The following ABHD18 variants were observed in gnomAD, a reference collection of about 807,000 sequenced individuals.
The protein encoded by ABHD18 is cardiolipin-specific deacylase, mitochondrial.
In ABHD18, 55 loss-of-function variants were observed where a neutral mutation model predicts 65.9. That is an observed-to-expected ratio of 0.84 (90% CI 0.67 to 1.05). The LOEUF is 1.05. ABHD18 is among the 50% of genes least tolerant of loss of function. The probability of loss-of-function intolerance (pLI) is 0.00; values close to 1 mark genes in which losing one functional copy is unlikely to be tolerated. For missense variants in ABHD18, 533 were observed against 558.5 expected, an observed-to-expected ratio of 0.95 and a Z score of 0.46; for synonymous variants, 181 against 180.2, an observed-to-expected ratio of 1.00 and a Z score of -0.04.
rs1167728243 is a variant in ABHD18, at chr4:128,008,261, CTTTTTTTTTTT to C, written c.279-641_279-631del. On this transcript the variant is annotated intron_variant, in intron 4 of 12. Coordinates refer to ENST00000645843, the MANE Select transcript of ABHD18 (RefSeq NM_001358451.3). ...TGGGCAACAGAGTGAGACTCCGTTCCTTTTTTTTTTTTTTTTTTTTTTTTTTTTGAGACGGA... is the reference window on the plus strand; with the variant it reads ...TGGGCAACAGAGTGAGACTCCGTTCCTTTTTTTTTTTTTTTTTGAGACGGA... Among the ~76,000 whole-genome samples the C allele has an allele frequency of 2.2e-4, 22 of 97,784 alleles. 1 individual carries two copies. The highest frequency in any genetic ancestry group is 5.7e-3 in the Middle Eastern group (1 of 176). 64.2% of individuals were successfully genotyped at this position (97,784 alleles called of 152,430 possible).
intron 1 of ABHD18, among the ~76,000 whole-genome samples, chr4:127,973,618 T>A (rs1256085566): frequency 6.6e-6 from 1 of 152,038 alleles, no homozygotes; most frequent in Admixed American, 6.6e-5. Flanking sequence ...ACCAGGCATA[T>A]GGCAAAGGTG....
intron 4 of ABHD18, among the ~76,000 whole-genome samples, chr4:127,994,023 C>T (rs920648392): frequency 1.6e-4 from 24 of 152,244 alleles, no homozygotes; most frequent in African/African-American, 5.5e-4. Flanking sequence ...TCATTTGGTC[C>T]ATTACTCATG....
chr4:128,009,261 A>G (rs1207849248), intron 6 of ABHD18, 70 bp downstream of exon 6: 2 of 1,020,562 alleles, frequency 2.0e-6, no homozygotes, highest in Non-Finnish European at 2.6e-6. Flanking sequence ...CATCAAAAGG[A>G]ATGATAGTAA....
At chr4:127,973,439 T>G (rs929973272) in intron 1 of ABHD18, among the ~76,000 whole-genome samples, 1 of 152,148 alleles carries the variant, frequency 6.6e-6, no homozygotes, top group Non-Finnish European at 1.5e-5. Context: ...CACCTGTTAT[T>G]GAGGGTGTCA....
At chr4:128,029,415 T>C (rs1178150252) in intron 11 of ABHD18, among the ~76,000 whole-genome samples, 1 of 152,040 alleles carries the variant, frequency 6.6e-6, no homozygotes, top group Non-Finnish European at 1.5e-5. Context: ...ACACAGTGGC[T>C]CACGCCTATA....
intron 2 of ABHD18, among the ~76,000 whole-genome samples, chr4:127,984,038 A>AC (rs1749531450): frequency 1.4e-5 from 2 of 142,770 alleles, no homozygotes; most frequent in Admixed American, 7.4e-5. Flanking sequence ...CTCCGTCTCA[A>AC]GGGGGAAAAA....
At chr4:127,989,529 G>A (rs115706850) in intron 3 of ABHD18, among the ~76,000 whole-genome samples, 192 bp from the exon 4 acceptor site, 4,449 of 152,086 alleles carry the variant, frequency 0.029, 203 homozygotes, top group African/African-American at 0.1. Flanking sequence ...AACATCACAT[G>A]TACCCCATAA....
chr4:128,004,398 G>A (rs1560879524), intron 4 of ABHD18, among the ~76,000 whole-genome samples: 2 of 151,728 alleles, frequency 1.3e-5, no homozygotes, highest in Non-Finnish European at 2.9e-5. Context: ...GTTGCAGTGA[G>A]CCAAGATCGC....
intron 4 of ABHD18, among the ~76,000 whole-genome samples, chr4:128,006,264 A>T (rs1367098500): frequency 6.6e-6 from 1 of 152,220 alleles, no homozygotes; most frequent in African/African-American, 2.4e-5. Context: ...GAACAAAAGG[A>T]AAGTACAAAT....
chr4:128,031,930 G>C (rs528217087), intron 12 of ABHD18, among the ~76,000 whole-genome samples: 1 of 152,166 alleles, frequency 6.6e-6, no homozygotes, highest in African/African-American at 2.4e-5. Flanking sequence ...ACAAAAATCC[G>C]TGACTACCTA....
intron 4 of ABHD18, among the ~76,000 whole-genome samples, chr4:128,003,692 G>A (rs1321711028): frequency 6.6e-6 from 1 of 151,870 alleles, no homozygotes; most frequent in Non-Finnish European, 1.5e-5. Flanking sequence ...GAATGTGTAT[G>A]TATATTTTAA....
intron 1 of ABHD18, among the ~76,000 whole-genome samples, chr4:127,968,212 AAAAT>A (rs1391576480): frequency 4.6e-5 from 7 of 152,250 alleles, no homozygotes; most frequent in Non-Finnish European, 1.0e-4. Context: ...TCCGTCTCAA[AAAAT>A]AAACAAACAA....
intron 2 of ABHD18, among the ~76,000 whole-genome samples, chr4:127,983,582 T>C (rs1749423464): frequency 6.6e-6 from 1 of 151,930 alleles, no homozygotes; most frequent in African/African-American, 2.4e-5. Flanking sequence ...CATAAAAAAA[T>C]TGGCTGGGCG....
At chr4:127,968,788 G>A (rs1248803721) in intron 1 of ABHD18, among the ~76,000 whole-genome samples, 4 of 152,104 alleles carry the variant, frequency 2.6e-5, no homozygotes, top group Non-Finnish European at 5.9e-5. Flanking sequence ...GCCTGAAGTG[G>A]GGACTTTTAA....
At chr4:127,996,417 G>A (rs1751742992) in intron 4 of ABHD18, among the ~76,000 whole-genome samples, 1 of 151,184 alleles carries the variant, frequency 6.6e-6, no homozygotes, top group South Asian at 2.1e-4. Context: ...CGCAAAATCA[G>A]CAAGTTTTTA....
At chr4:127,968,053 C>G (rs1253446361) in intron 1 of ABHD18, among the ~76,000 whole-genome samples, 1 of 152,116 alleles carries the variant, frequency 6.6e-6, no homozygotes, top group African/African-American at 2.4e-5. Flanking sequence ...ACTAAAAATA[C>G]AAAAAAGTAG....
intron 12 of ABHD18, among the ~76,000 whole-genome samples, chr4:128,033,524 C>CTTTTTTTTT (rs869099600): frequency 6.1e-4 from 66 of 108,628 alleles, no homozygotes; most frequent in Admixed American, 1.5e-3. Flanking sequence ...CAAAGATAGT[C>CTTTTTTTTT]TTTTTTTTTT....
intron 1 of ABHD18, among the ~76,000 whole-genome samples, chr4:127,979,426 G>A (rs1748566219): frequency 6.6e-6 from 1 of 152,078 alleles, no homozygotes; most frequent in East Asian, 1.9e-4. Context: ...GTGGTGGCGG[G>A]CACCTGTAGT....
At chr4:128,031,063 G>C (rs182065699) in intron 12 of ABHD18, 1 of 995,470 alleles carries the variant, frequency 1.0e-6, no homozygotes, top group East Asian at 1.1e-4. Flanking sequence ...ATTTAGCAAT[G>C]TTTTTCAGTT....
Sources: gnomAD v4.1 joint callset for allele counts (sites outside exome capture counted in the v4.1 genomes callset) on GRCh38, gnomAD v4.1.1 for gene constraint, MANE v1.5 for transcripts, NCBI Gene and HGNC (gene_info 2026-07-23, HGNC 2026-07-21) for gene names.